LYST: variants seen among roughly 807,000 people sequenced by gnomAD.
LYST encodes the protein lysosomal trafficking regulator.
Under a neutral mutation model 413.6 loss-of-function variants are expected in LYST, and 192 were observed. That is an observed-to-expected ratio of 0.46 (90% CI 0.41 to 0.52). The LOEUF is 0.52. Ranked by LOEUF, LYST falls within the 20% of genes least tolerant of loss-of-function variation. The pLI, the probability that LYST is intolerant of heterozygous loss-of-function variation, is 0.00. For missense variants in LYST, 3,815 were observed against 4,499.9 expected, an observed-to-expected ratio of 0.85 and a Z score of 4.35; for synonymous variants, 1,525 against 1,567.3, an observed-to-expected ratio of 0.97 and a Z score of 0.64.
intron 40 of LYST, 39 bp downstream of exon 40, chr1:235,720,622 G>C (rs1204941612): frequency 6.2e-7 from 1 of 1,602,448 alleles, no homozygotes; most frequent in Admixed American, 1.7e-5. Flanking sequence ...ACAACATATG[G>C]ATGGATGAAC....
intron 50 of LYST, 95 bp downstream of exon 50, chr1:235,676,996 G>T: frequency 1.2e-6 from 1 of 836,072 alleles, no homozygotes; most frequent in Non-Finnish European, 2.1e-6. Flanking sequence ...ATCTGGCAGG[G>T]ACCTGAGAGA....
chr1:235,846,207 GACAACCC>G (rs546553244), intron 1 of LYST, among the ~76,000 whole-genome samples: 54 of 152,272 alleles, frequency 3.5e-4, no homozygotes, highest in African/African-American at 1.2e-3. Context: ...ACTCTGTGTA[GACAACCC>G]CCAGTACCGG....
chr1:235,882,596 T>A (rs571571121), intron 1 of LYST, among the ~76,000 whole-genome samples: 2 of 151,920 alleles, frequency 1.3e-5, no homozygotes, highest in Non-Finnish European at 2.9e-5. Flanking sequence ...GCTGAGGGTA[T>A]TGGAAATGGA....
intron 47 of LYST, among the ~76,000 whole-genome samples, chr1:235,692,219 G>A (rs1660716305): frequency 6.6e-6 from 1 of 151,444 alleles, no homozygotes; most frequent in Non-Finnish European, 1.5e-5. Flanking sequence ...TGTAGTCCCA[G>A]CTACTTCGGA....
intron 19 of LYST, among the ~76,000 whole-genome samples, chr1:235,773,358 A>G (rs1236935132): frequency 6.6e-6 from 1 of 152,022 alleles, no homozygotes; most frequent in African/African-American, 2.4e-5. Flanking sequence ...CAAAAAAACG[A>G]GTATATGCTT....
At chr1:235,750,778 T>A (rs1223766599) in intron 28 of LYST, among the ~76,000 whole-genome samples, 1 of 152,224 alleles carries the variant, frequency 6.6e-6, no homozygotes, top group African/African-American at 2.4e-5. Context: ...TTGTCCTGAG[T>A]AGAAACAGAT....
rs772183331 is a variant in LYST, at chr1:235,664,539, G to A, written c.11121C>T (p.Ser3707=). Residue 3707 remains serine (S), a synonymous_variant, in exon 51 of 53, where the codon TCC becomes TCT. Coordinates refer to ENST00000389793, the MANE Select transcript of LYST (RefSeq NM_000081.4). The surrounding 1 kb of genome is among the most constrained non-coding windows in gnomAD (Gnocchi z 4.5). ...CCTCAGGCTGGTTGGAGAAAGCCAC[G>A]GAACAGATGATCTCCCTGCAGTGGA... The part of the protein sequence containing the change: ...GHVHCREIIC[S]VAFSNQPEGV... 9.3e-6 allele frequency: 15 copies of A among 1,613,868 alleles called. No individual in the cohort carries two copies. Among genetic ancestry groups the A allele is most frequent in the African/African-American group, 1.3e-5 (1 of 74,874 alleles).
intron 5 of LYST, among the ~76,000 whole-genome samples, chr1:235,807,009 T>TA (rs1180870389): frequency 6.6e-6 from 1 of 152,138 alleles, no homozygotes; most frequent in Non-Finnish European, 1.5e-5. Context: ...CAGCAGTATC[T>TA]AAAAAGAAAA....
In LYST at chr1:235,746,532, A is replaced by G; in HGVS notation, c.7781-5T>C. ...CAAGGGGAAATTTTCGAGGACCTTT[A>G]AAAGTATATAAATTAAAACATCAAA... is the stretch of plus-strand genomic sequence containing the variant. On this transcript the variant is annotated splice_region_variant and splice_polypyrimidine_tract_variant and intron_variant, in intron 28 of 52. Transcript: ENST00000389793. 1 of 1,602,698 alleles carries G rather than the reference A, an allele frequency of 6.2e-7. No individual in the cohort carries two copies. The highest frequency in any genetic ancestry group is 8.5e-7 in the Non-Finnish European group (1 of 1,170,970).
At chr1:235,859,916 T>C (rs920184373) in intron 1 of LYST, among the ~76,000 whole-genome samples, 10 of 152,238 alleles carry the variant, frequency 6.6e-5, no homozygotes, top group South Asian at 4.1e-4. Flanking sequence ...CAAATACTAT[T>C]ACATCTTTGG....
Position 235,806,445 on chromosome 1 carries a change from T to C in LYST, c.2691A>G (p.Thr897=). 6.2e-7 allele frequency: 1 copy of C among 1,614,106 alleles called. No homozygotes were observed. Among genetic ancestry groups the C allele is most frequent in the Non-Finnish European group, 8.5e-7 (1 of 1,179,988 alleles). Residue 897 remains threonine, a synonymous_variant, in exon 6 of 53, where the codon ACA becomes ACG. Coordinates refer to ENST00000389793, the MANE Select transcript of LYST (RefSeq NM_000081.4). ...KTVNQDVHIN[T]INLFLCVAFL... The stretch of plus-strand genomic sequence containing the variant: ...AAGCCACACAGAGGAATAGGTTTAT[T>C]GTGTTGATATGAACATCTTGGTTAA...
intron 23 of LYST, among the ~76,000 whole-genome samples, chr1:235,758,294 C>T (rs1667236218): frequency 6.6e-6 from 1 of 152,192 alleles, no homozygotes; most frequent in Admixed American, 6.6e-5. Context: ...AGAGAACAAA[C>T]TGGGGTAGCA....
At chr1:235,840,189 A>G (rs1196896436) in intron 1 of LYST, 1 of 152,260 alleles carries the variant, frequency 6.6e-6, no homozygotes. Context: ...TGGCAAAGGC[A>G]AATCAATATA....
intron 3 of LYST, among the ~76,000 whole-genome samples, chr1:235,826,680 G>T (rs1292886132): frequency 6.6e-6 from 1 of 152,010 alleles, no homozygotes; most frequent in Non-Finnish European, 1.5e-5. Flanking sequence ...GTAAATATTT[G>T]GATTTTGTTT....
chr1:235,704,220 T>C (rs1446985254), intron 44 of LYST, among the ~76,000 whole-genome samples: 1 of 152,242 alleles, frequency 6.6e-6, no homozygotes, highest in East Asian at 1.9e-4. Context: ...TGAACATTCA[T>C]GTACATGTGT....
chr1:235,862,957 A>G (rs1469483201), intron 1 of LYST, among the ~76,000 whole-genome samples: 1 of 152,186 alleles, frequency 6.6e-6, no homozygotes, highest in Non-Finnish European at 1.5e-5. Flanking sequence ...TACAATGGCA[A>G]AGGTGAAGTA....
intron 1 of LYST, among the ~76,000 whole-genome samples, chr1:235,857,506 A>T (rs1042221233): frequency 3.9e-5 from 6 of 152,096 alleles, no homozygotes; most frequent in Admixed American, 3.9e-4. Flanking sequence ...AATAGATGAG[A>T]TCATCAAAGG....
intron 12 of LYST, among the ~76,000 whole-genome samples, chr1:235,790,886 G>T (rs982137043): frequency 2.6e-5 from 4 of 152,120 alleles, no homozygotes; most frequent in Non-Finnish European, 4.4e-5. Context: ...CTAGGGGAGG[G>T]CCACTGAGGT....
intron 31 of LYST, chr1:235,738,604 G>A: frequency 6.2e-7 from 1 of 1,609,008 alleles, no homozygotes. Context: ...CCTGTATGGA[G>A]TAAAGCAAAT....
Sources: gnomAD v4.1 joint callset for allele counts (sites outside exome capture counted in the v4.1 genomes callset) on GRCh38, gnomAD v4.1.1 for gene constraint, Gnocchi (gnomAD v3.1) non-coding constraint, MANE v1.5 for transcripts, NCBI Gene and HGNC (gene_info 2026-07-23, HGNC 2026-07-21) for gene names.